IRF2: variants seen among roughly 807,000 people sequenced by gnomAD.
The protein encoded by IRF2 is interferon regulatory factor 2.
In IRF2, 15 loss-of-function variants were observed where a neutral mutation model predicts 40.6. The observed-to-expected ratio is 0.37, with a 90% CI of 0.25 to 0.57. IRF2 has a LOEUF of 0.57. Among genes scored for constraint, IRF2 ranks in the 20% least tolerant of loss-of-function variants. IRF2 has a pLI of 0.77. For synonymous variants in IRF2, 151 were observed against 165.5 expected, an observed-to-expected ratio of 0.91 and a Z score of 0.67; for missense variants, 317 against 455.7, an observed-to-expected ratio of 0.70 and a Z score of 2.77.
rs927732513 is a variant in IRF2 at position 184,418,554 on chromosome 4, T to C, written c.342A>G (p.Leu114=). The C allele has an allele frequency of 6.2e-7, 1 of 1,614,218 alleles. No individual in the cohort carries two copies. ...TACCTTTCTTAGAAGGCCGTTCTGA[T>C]AGGGGCAGCATTCGGTAGACCCTGA... ...NAFRVYRMLP[L]SERPSKKGKK... is the part of the protein sequence containing the mutation. Residue 114 remains leucine (L), a synonymous_variant, in exon 4 of 9, where the codon CTA becomes CTG. Coordinates refer to ENST00000393593, the MANE Select transcript of IRF2 (RefSeq NM_002199.4).
At chr4:184,404,709 G>C (rs1042978616) in intron 6 of IRF2, among the ~76,000 whole-genome samples, 1 of 152,154 alleles carries the variant, frequency 6.6e-6, no homozygotes, top group African/African-American at 2.4e-5. Flanking sequence ...CCATGATTTG[G>C]TTTAGGCACT....
intron 1 of IRF2, among the ~76,000 whole-genome samples, chr4:184,468,010 C>T (rs1443054517): frequency 6.6e-6 from 1 of 152,198 alleles, no homozygotes; most frequent in African/African-American, 2.4e-5. Context: ...ACACCTGCTT[C>T]TCATCTGCAG....
intron 2 of IRF2, among the ~76,000 whole-genome samples, chr4:184,425,982 G>A (rs11132245): frequency 1.1e-3 from 22 of 20,686 alleles, no homozygotes; most frequent in Admixed American, 9.3e-3. Flanking sequence ...TCCGGTTTTT[G>A]TTTGTTTGTT....
At chr4:184,461,858 G>GA (rs1308598754) in intron 1 of IRF2, among the ~76,000 whole-genome samples, 1 of 152,016 alleles carries the variant, frequency 6.6e-6, no homozygotes, top group African/African-American at 2.4e-5. Context: ...CCCAAAAGTG[G>GA]AAAAAATGGG....
At chr4:184,428,906 C>T in intron 2 of IRF2, 72 bp downstream of exon 2, 3 of 1,191,482 alleles carry the variant, frequency 2.5e-6, no homozygotes, top group Non-Finnish European at 3.8e-6. Context: ...CACGATTTTA[C>T]TTTCAGCAGT....
intron 2 of IRF2, among the ~76,000 whole-genome samples, chr4:184,420,726 G>A (rs1021482016): frequency 6.6e-6 from 1 of 152,128 alleles, no homozygotes; most frequent in Admixed American, 6.5e-5. Context: ...TTGGCACTGT[G>A]CATCTGACTA....
chr4:184,437,571 A>T (rs1012467559), intron 1 of IRF2, among the ~76,000 whole-genome samples: 4 of 152,178 alleles, frequency 2.6e-5, no homozygotes, highest in South Asian at 2.1e-4. Flanking sequence ...AGAAGAAGAA[A>T]TAAGAAAGAA....
rs565056746 is a variant in IRF2 at position 184,408,301 on chromosome 4, T to C, written c.412-26A>G. 3.6e-5 allele frequency: 49 copies of C among 1,353,424 alleles called. 1 individual carries two copies. In the South Asian group the frequency reaches 5.4e-4, roughly 15 times the overall value. 83.8% of individuals were successfully genotyped at this position (1,353,424 alleles called of 1,614,324 possible). A position where few individuals can be genotyped will look rare whatever the true frequency, so the allele number is the denominator to read the frequency against. On this transcript the variant is annotated intron_variant, in intron 5 of 8. Transcript: ENST00000393593. The surrounding 1 kb of genome is among the most constrained non-coding windows in gnomAD (Gnocchi z 4.9). ...CTAGGAAGAAGAAAAGAAAAAAGAA[T>C]TGAGAACACTTCCTTTCCCCTCCCT...
intron 6 of IRF2, 131 bp from the exon 7 acceptor site, chr4:184,399,210 G>A: frequency 2.2e-6 from 2 of 919,054 alleles, no homozygotes; most frequent in Non-Finnish European, 3.2e-6. Flanking sequence ...CTGCCATGGG[G>A]CTGAAGAACA....
intron 1 of IRF2, among the ~76,000 whole-genome samples, chr4:184,453,908 G>T (rs1738820653): frequency 6.6e-6 from 1 of 152,206 alleles, no homozygotes; most frequent in African/African-American, 2.4e-5. Flanking sequence ...TGTCAATGTG[G>T]TCAGTATTTG....
At chr4:184,445,694 A>C (rs2149910867) in intron 1 of IRF2, among the ~76,000 whole-genome samples, 1 of 151,810 alleles carries the variant, frequency 6.6e-6, no homozygotes, top group South Asian at 2.1e-4. Flanking sequence ...CAATACAGTA[A>C]TAGAGAACAT....
At chr4:184,449,596 C>T (rs1249075500) in intron 1 of IRF2, among the ~76,000 whole-genome samples, 2 of 152,214 alleles carry the variant, frequency 1.3e-5, no homozygotes, top group African/African-American at 4.8e-5. Context: ...AAGACAGGGA[C>T]ACAGGCAATC....
intron 6 of IRF2, among the ~76,000 whole-genome samples, chr4:184,400,375 A>G (rs563828029): frequency 6.6e-6 from 1 of 152,168 alleles, no homozygotes; most frequent in South Asian, 2.1e-4. Context: ...GAGTCACCCA[A>G]GTTGTTGTGT....
chr4:184,417,718 C>T (rs1168252779), intron 5 of IRF2, among the ~76,000 whole-genome samples: 1 of 152,148 alleles, frequency 6.6e-6, no homozygotes, highest in African/African-American at 2.4e-5. Flanking sequence ...CACTCTGTCC[C>T]CCACCAAAGG....
chr4:184,436,225 T>C (rs1383345460), intron 1 of IRF2, among the ~76,000 whole-genome samples: 1 of 152,184 alleles, frequency 6.6e-6, no homozygotes, highest in Non-Finnish European at 1.5e-5. Flanking sequence ...TCCGCCCACT[T>C]TGGCCTCCCA....
intron 1 of IRF2, among the ~76,000 whole-genome samples, chr4:184,469,576 G>A (rs1739447956): frequency 1.3e-5 from 2 of 152,240 alleles, no homozygotes; most frequent in South Asian, 4.1e-4. Flanking sequence ...TCAGGAGACT[G>A]AGGCAGGAGG....
At chr4:184,417,886 A>C (rs1737338824) in intron 5 of IRF2, among the ~76,000 whole-genome samples, 1 of 152,254 alleles carries the variant, frequency 6.6e-6, no homozygotes, top group South Asian at 2.1e-4. Context: ...ACCACTGGCA[A>C]CGGCTGTGGT....
intron 7 of IRF2, among the ~76,000 whole-genome samples, chr4:184,398,655 C>A (rs1258195059): frequency 6.2e-4 from 91 of 146,974 alleles, no homozygotes; most frequent in Non-Finnish European, 6.6e-4. Flanking sequence ...GACTCTGTCT[C>A]AAAAAAAAAA....
chr4:184,406,674 G>A (rs750316018), intron 6 of IRF2, among the ~76,000 whole-genome samples: 4 of 152,166 alleles, frequency 2.6e-5, no homozygotes, highest in East Asian at 1.9e-4. Context: ...CTGAAACCAC[G>A]GCAAGTGCTG....
Sources: allele counts gnomAD v4.1 joint callset (sites outside exome capture counted in the v4.1 genomes callset), GRCh38; gene constraint gnomAD v4.1.1; non-coding constraint Gnocchi (gnomAD v3.1); transcripts MANE v1.5; gene names NCBI Gene and HGNC (gene_info 2026-07-23, HGNC 2026-07-21).